The following KMT2C variants were observed in gnomAD, a reference collection of about 807,000 sequenced individuals.
KMT2C encodes the protein histone-lysine N-methyltransferase 2C.
In KMT2C, 88 loss-of-function variants were observed where a neutral mutation model predicts 507.9. The observed-to-expected ratio is 0.17, with a 90% CI of 0.15 to 0.21. The LOEUF is 0.21. KMT2C is among the 10% of genes least tolerant of loss of function. KMT2C has a pLI of 1.00. For synonymous variants in KMT2C, 2,049 were observed against 2,080.8 expected (o/e 0.98, Z 0.42); for missense variants, 4,954 against 5,957.8 (o/e 0.83, Z 5.55).
At chr7:152,145,316 C>G (rs2129093435) in intron 53 of KMT2C, 21 bp from the exon 54 acceptor site, 1 of 1,611,476 alleles carries the variant, frequency 6.2e-7, no homozygotes, top group Non-Finnish European at 8.5e-7. Context: ...GCAAAGCAGA[C>G]ACAAAGTCAC....
chr7:152,209,618 C>T (rs2094405730), intron 23 of KMT2C, among the ~76,000 whole-genome samples: 1 of 150,870 alleles, frequency 6.6e-6, no homozygotes, highest in Non-Finnish European at 1.5e-5. Flanking sequence ...GCCGGTAATC[C>T]CAGCTATTTG....
chr7:152,219,189 C>T (rs146889769), intron 23 of KMT2C, among the ~76,000 whole-genome samples: 3,172 of 152,116 alleles, frequency 0.021, 51 homozygotes, highest in Non-Finnish European at 0.032. Flanking sequence ...AGTCTGGTCT[C>T]GAACTCCTGA....
At chr7:152,301,197 TAAAAA>T (rs71533557) in intron 6 of KMT2C, among the ~76,000 whole-genome samples, 1 of 132,542 alleles carries the variant, frequency 7.5e-6, no homozygotes. Context: ...CCCTGTCTCC[TAAAAA>T]AAAAAAAAAA....
At chr7:152,282,165 T>TG (rs1450618226) in intron 6 of KMT2C, among the ~76,000 whole-genome samples, 4 of 151,408 alleles carry the variant, frequency 2.6e-5, no homozygotes, top group Non-Finnish European at 5.9e-5. Context: ...GGCGTGGTGG[T>TG]GCACGCCTGT....
intron 3 of KMT2C, among the ~76,000 whole-genome samples, chr7:152,322,466 C>T (rs1363408416): frequency 1.3e-5 from 2 of 152,046 alleles, no homozygotes; most frequent in Non-Finnish European, 2.9e-5. Flanking sequence ...GGGTAAAGAA[C>T]TGTCTCCTCA....
chr7:152,252,449 G>T, intron 10 of KMT2C, 97 bp downstream of exon 10: 1 of 936,504 alleles, frequency 1.1e-6, no homozygotes, highest in Non-Finnish European at 1.6e-6. Context: ...GGAATTGCTA[G>T]AGTGATAAAA....
At position 152,148,152 on chromosome 7, in the gene KMT2C, G is replaced by A. The variant is rs1464334114; in HGVS notation, c.13775C>T (p.Ala4592Val). ...GCACAGGTAGCGGCAGCGCCTATTG[G>A]CATAGCGAGTGCTCCAGTACAGCCG... The part of the protein sequence containing the change: ...ASRLYWSTRY[A>V]NRRCRYLCSI... The change falls in exon 52 of 59, where the codon GCC becomes GTC. Residue 4592 changes from alanine to valine, a missense_variant. Coordinates refer to ENST00000262189, the MANE Select transcript of KMT2C (RefSeq NM_170606.3). This position sits in a 1 kb window ranked among gnomAD's most constrained non-coding sequence, Gnocchi z 7.1. 6.2e-7 allele frequency: 1 copy of A among 1,614,124 alleles called. No individual in the cohort carries two copies. The highest frequency in any genetic ancestry group is 2.2e-5 in the East Asian group (1 of 44,882).
Position 152,162,475 on chromosome 7 carries a change from T to C in KMT2C, c.11102A>G (p.Asn3701Ser). Residue 3701 changes from asparagine (N) to serine (S), a missense_variant, in exon 43 of 59, where the codon AAT (asparagine) becomes AGT (serine). Asn to Ser is a conservative substitution (Grantham distance 46). Coordinates refer to ENST00000262189, the MANE Select transcript of KMT2C (RefSeq NM_170606.3). The part of the protein sequence containing the change: ...QATPNQQTYA[N>S]SEVDKLSMET... ...CATGGAGAGCTTGTCTACTTCTGAATTTGCATACGTCTGTTGATTTGGAGT... is the reference window on the plus strand; with the variant it reads ...CATGGAGAGCTTGTCTACTTCTGAACTTGCATACGTCTGTTGATTTGGAGT... The C allele has an allele frequency of 2.5e-6, 4 of 1,614,272 alleles. No homozygotes were observed. The highest frequency in any genetic ancestry group is 3.4e-6 in the Non-Finnish European group (4 of 1,180,048).
chr7:152,218,714 C>CGTCCTTCTT (rs2094663616), intron 23 of KMT2C, among the ~76,000 whole-genome samples: 2 of 152,012 alleles, frequency 1.3e-5, no homozygotes, highest in Admixed American at 6.6e-5. Flanking sequence ...TATACTGAGC[C>CGTCCTTCTT]GTCCTTCTTG....
At chr7:152,173,352 G>A (rs1258689475) in intron 39 of KMT2C, among the ~76,000 whole-genome samples, 3 of 152,284 alleles carry the variant, frequency 2.0e-5, no homozygotes, top group African/African-American at 4.8e-5. Flanking sequence ...TTTATTGACA[G>A]AGGTTCTCAT....
At chr7:152,349,229 T>C (rs1240553929) in intron 2 of KMT2C, among the ~76,000 whole-genome samples, 1 of 152,104 alleles carries the variant, frequency 6.6e-6, no homozygotes, top group Non-Finnish European at 1.5e-5. Flanking sequence ...GTGGATCACC[T>C]GAGATCAGGA....
intron 1 of KMT2C, among the ~76,000 whole-genome samples, chr7:152,391,835 G>A (rs1234597714): frequency 6.6e-6 from 1 of 152,116 alleles, no homozygotes; most frequent in Non-Finnish European, 1.5e-5. Flanking sequence ...TTTGTAACTA[G>A]ACTTTAAAGC....
At chr7:152,344,405 G>A (rs986505488) in intron 2 of KMT2C, among the ~76,000 whole-genome samples, 8 of 152,180 alleles carry the variant, frequency 5.3e-5, no homozygotes, top group Non-Finnish European at 7.4e-5. Flanking sequence ...AAAAGCACAA[G>A]ATTTCATTAT....
chr7:152,394,103 A>G (rs2097522327), intron 1 of KMT2C, among the ~76,000 whole-genome samples: 5 of 152,224 alleles, frequency 3.3e-5, no homozygotes, highest in African/African-American at 9.6e-5. Context: ...TTACTTCAAC[A>G]TTTCTCTGAT....
At chr7:152,228,872 C>G (rs961141260) in intron 18 of KMT2C, among the ~76,000 whole-genome samples, 1 of 152,116 alleles carries the variant, frequency 6.6e-6, no homozygotes. Context: ...CCATGAGCAA[C>G]TAATTTTAAA....
intron 23 of KMT2C, among the ~76,000 whole-genome samples, chr7:152,208,723 T>C (rs1172954607): frequency 6.6e-6 from 1 of 152,246 alleles, no homozygotes; most frequent in Non-Finnish European, 1.5e-5. Flanking sequence ...GTTAACTCCT[T>C]CAATATTCTC....
intron 3 of KMT2C, among the ~76,000 whole-genome samples, chr7:152,324,208 T>C (rs1203940567): frequency 6.6e-6 from 1 of 151,426 alleles, no homozygotes; most frequent in Non-Finnish European, 1.5e-5. Flanking sequence ...ATACAGTGCA[T>C]AGCAGGGTGA....
At chr7:152,160,160 C>T (rs2129102382) in intron 43 of KMT2C, among the ~76,000 whole-genome samples, 1 of 152,164 alleles carries the variant, frequency 6.6e-6, no homozygotes, top group South Asian at 2.1e-4. Context: ...ACTACTCTTC[C>T]TTAGATTTTT....
intron 6 of KMT2C, among the ~76,000 whole-genome samples, chr7:152,281,037 ATCTC>A (rs1324591133): frequency 1.2e-4 from 18 of 152,326 alleles, no homozygotes; most frequent in Middle Eastern, 3.4e-3. Flanking sequence ...AGAAAAAGTA[ATCTC>A]TCTATTTGTA....
Sources: gnomAD v4.1 joint callset for allele counts (sites outside exome capture counted in the v4.1 genomes callset) on GRCh38, gnomAD v4.1.1 for gene constraint, Gnocchi (gnomAD v3.1) non-coding constraint, MANE v1.5 for transcripts, NCBI Gene and HGNC (gene_info 2026-07-23, HGNC 2026-07-21) for gene names.